The following CPSF6 variants were observed in gnomAD, a reference collection of about 807,000 sequenced individuals.
CPSF6 encodes cleavage and polyadenylation specific factor 6, also known as cleavage and polyadenylation specificity factor subunit 6.
Under a neutral mutation model 56.7 loss-of-function variants are expected in CPSF6, and 10 were observed. The observed-to-expected ratio is 0.18, with a 90% CI of 0.11 to 0.30. CPSF6 has a LOEUF of 0.30. Ranked by LOEUF, CPSF6 falls within the 10% of genes least tolerant of loss-of-function variation. The pLI is 1.00. For missense variants in CPSF6, 419 were observed against 722.9 expected, an observed-to-expected ratio of 0.58 and a Z score of 4.82; for synonymous variants, 248 against 244.8, an observed-to-expected ratio of 1.01 and a Z score of -0.12.
intron 8 of CPSF6, among the ~76,000 whole-genome samples, chr12:69,260,534 C>A (rs1371429340): frequency 6.6e-6 from 1 of 151,980 alleles, no homozygotes; most frequent in African/African-American, 2.4e-5. Context: ...AATGTTTGAC[C>A]ACCTCACTTT....
At chr12:69,259,600 A>C (rs317649) in intron 7 of CPSF6, 57 bp downstream of exon 7, 2 of 1,425,134 alleles carry the variant, frequency 1.4e-6, no homozygotes, top group Non-Finnish European at 1.9e-6. Context: ...ATGACCTAAA[A>C]ATGTAAGTAC....
At position 69,258,459 on chromosome 12, in the gene CPSF6, A is replaced by C; in HGVS notation, c.695-131A>C. The C allele has an allele frequency of 1.1e-6, 1 of 911,638 alleles. No homozygotes were observed. Among genetic ancestry groups the C allele is most frequent in the Non-Finnish European group, 1.6e-6 (1 of 625,354 alleles). The allele number at this position is 911,638 out of a possible 1,614,324, so 56.5% of individuals were successfully genotyped here. ...TGTAGTTGGTAGTGTAACATTTACC[A>C]TACGGGTTTAATTTAAAGACAAAGA... On this transcript the variant is annotated intron_variant, in intron 5 of 9. Transcript: ENST00000435070. The surrounding 1 kb of genome is among the most constrained non-coding windows in gnomAD (Gnocchi z 4.2).
chr12:69,260,346 T>C (rs374063392), intron 8 of CPSF6, 149 bp downstream of exon 8: 55 of 613,184 alleles, frequency 9.0e-5, no homozygotes, highest in African/African-American at 8.9e-4. Context: ...TAAATGTTAG[T>C]TGCTTGCTTA....
intron 9 of CPSF6, 84 bp downstream of exon 9, chr12:69,262,646 A>G: frequency 7.6e-7 from 1 of 1,315,042 alleles, no homozygotes; most frequent in Non-Finnish European, 9.9e-7. Context: ...TACAGTATAT[A>G]CCTACATTTT....
intron 8 of CPSF6, among the ~76,000 whole-genome samples, chr12:69,261,407 A>AT (rs1654039306): frequency 6.6e-6 from 1 of 151,560 alleles, no homozygotes; most frequent in African/African-American, 2.4e-5. Context: ...CTACAAAAAA[A>AT]TTTTAAAAAT....
rs575154254 is a variant in CPSF6, at chr12:69,252,568, T to C, written c.271-483T>C. Among the ~76,000 whole-genome samples, 168 of 152,290 alleles carry C rather than the reference T, an allele frequency of 1.1e-3. 2 individuals carry two copies. Among genetic ancestry groups the C allele is most frequent in the African/African-American group, 3.8e-3 (160 of 41,576 alleles). ...GCTCTTTAACTTCTATTGTATCATG[T>C]GTAAAATGGGTATAATAATAGTGCT... On this transcript the variant is annotated intron_variant, in intron 2 of 9. Transcript: ENST00000435070.
chr12:69,267,306 T>C (rs1164137529), intron 9 of CPSF6, among the ~76,000 whole-genome samples: 2 of 152,062 alleles, frequency 1.3e-5, no homozygotes, highest in East Asian at 3.8e-4. Context: ...AATGGCTTGA[T>C]ATAGTATCTT....
At position 69,269,524 on chromosome 12, in the gene CPSF6, G is replaced by C. The variant is rs1357363545; in HGVS notation, c.*16G>C. The C allele has an allele frequency of 2.2e-6, 1 of 454,434 alleles. No homozygotes were observed. The highest frequency in any genetic ancestry group is 4.4e-6 in the Non-Finnish European group (1 of 225,690). 28.2% of individuals were successfully genotyped at this position (454,434 alleles called of 1,614,324 possible). ...TGACACATTACAGCTGAAGGAAGAG[G>C]ATCACCTTCCAAGACAAAACAGTCT... On this transcript the variant is annotated 3_prime_UTR_variant, in exon 10 of 10. Transcript: ENST00000435070.
chr12:69,249,278 T>A (rs1238469672), intron 1 of CPSF6, among the ~76,000 whole-genome samples: 1 of 144,326 alleles, frequency 6.9e-6, no homozygotes, highest in Non-Finnish European at 1.5e-5. Context: ...CTCAAAAAAA[T>A]AAATAAATAA....
At position 69,258,555 on chromosome 12, in the gene CPSF6, T is replaced by TG. The variant is rs748440776; in HGVS notation, c.695-34dup. ...AAGTTAAAATATCTTATTAGTGAAG[T>TG]GTTTTTTTTTCTCTCTTTCTCCTTT... On this transcript the variant is annotated intron_variant, in intron 5 of 9. Coordinates refer to ENST00000435070, the MANE Select transcript of CPSF6 (RefSeq NM_007007.3). The surrounding 1 kb of genome is among the most constrained non-coding windows in gnomAD (Gnocchi z 4.2). 1.7e-5 allele frequency: 17 copies of TG among 994,996 alleles called. No homozygotes were observed. The highest frequency in any genetic ancestry group is 7.9e-5 in the East Asian group (3 of 38,180). 61.6% of individuals were successfully genotyped at this position (994,996 alleles called of 1,614,324 possible).
intron 1 of CPSF6, among the ~76,000 whole-genome samples, chr12:69,246,199 A>G (rs946582969): frequency 1.3e-5 from 2 of 152,242 alleles, no homozygotes; most frequent in African/African-American, 4.8e-5. Flanking sequence ...GTCAGTTTTT[A>G]TGTCATGAAT....
chr12:69,268,005 CTTT>C (rs1873074578), intron 9 of CPSF6, among the ~76,000 whole-genome samples: 2 of 151,716 alleles, frequency 1.3e-5, no homozygotes, highest in Admixed American at 1.3e-4. Flanking sequence ...CTCTTAATGA[CTTT>C]TTATCCCTTC....
In CPSF6 at chr12:69,248,865, C is replaced by T. The variant is rs58287089; in HGVS notation, c.61-2264C>T. Among the ~76,000 whole-genome samples, 674 of 152,130 alleles carry T rather than the reference C, an allele frequency of 4.4e-3. 7 individuals are homozygous for T. The highest frequency in any genetic ancestry group is 0.015 in the African/African-American group (633 of 41,482). The stretch of plus-strand genomic sequence containing the variant: ...TTGGATAAGTCATTAATTACATAAA[C>T]GATTACCTGATGATTACTTGAGGTC... On this transcript the variant is annotated intron_variant, in intron 1 of 9. Transcript: ENST00000435070.
At chr12:69,253,769 T>C (rs1215967196) in intron 3 of CPSF6, among the ~76,000 whole-genome samples, 2 of 152,214 alleles carry the variant, frequency 1.3e-5, no homozygotes, top group African/African-American at 4.8e-5. Flanking sequence ...TCCTCTCTAA[T>C]GTCTAATTCT....
intron 1 of CPSF6, among the ~76,000 whole-genome samples, chr12:69,240,044 G>A (rs1188277502): frequency 6.6e-6 from 1 of 151,376 alleles, no homozygotes; most frequent in Admixed American, 6.6e-5. Flanking sequence ...CGGGCGGTGG[G>A]GCCGCGTGTA....
chr12:69,249,231 A>G (rs1307809090), intron 1 of CPSF6, among the ~76,000 whole-genome samples: 6 of 135,566 alleles, frequency 4.4e-5, no homozygotes, highest in Admixed American at 2.6e-4. Flanking sequence ...AGATTGCGCC[A>G]CTGCACTCCA....
At position 69,274,262 on chromosome 12, in the gene CPSF6, C is replaced by T. The variant is rs759163487; in HGVS notation, c.*4754C>T. ...TTTCTTTAGCATTTAGGTGACTGTTCGGCAGTTTGATATATGGCCATTGTC... is the reference window on the plus strand; with the variant it reads ...TTTCTTTAGCATTTAGGTGACTGTTTGGCAGTTTGATATATGGCCATTGTC... On this transcript the variant is annotated 3_prime_UTR_variant, in exon 10 of 10. Transcript: ENST00000435070. The T allele has an allele frequency of 4.0e-4, 60 of 151,592 alleles. No homozygotes were observed. Among genetic ancestry groups the T allele is most frequent in the Admixed American group, 3.1e-3 (47 of 15,216 alleles). 9.4% of individuals were successfully genotyped at this position (151,592 alleles called of 1,614,324 possible).
chr12:69,269,809 G>GA lies in CPSF6; in HGVS notation c.*308dup, dbSNP rs555136158. On this transcript the variant is annotated 3_prime_UTR_variant, in exon 10 of 10. Transcript: ENST00000435070. Reference sequence around the variant, plus strand: ...GGCCATTATGATGTGCAAGCAATTGGAAAAAAAGTCAAGTAAATGCTTGTT... The same window carrying GA: ...GGCCATTATGATGTGCAAGCAATTGGAAAAAAAAGTCAAGTAAATGCTTGTT... 1.8e-4 allele frequency: 32 copies of GA among 179,178 alleles called. No individual in the cohort carries two copies. In the East Asian group the frequency reaches 5.6e-3, roughly 31 times the overall value. The allele number at this position is 179,178 out of a possible 1,614,324, so 11.1% of individuals were successfully genotyped here. A position where few individuals can be genotyped will look rare whatever the true frequency, so the allele number is the denominator to read the frequency against.
At position 69,259,883 on chromosome 12, in the gene CPSF6, C is replaced by T. The variant is rs1251871728; in HGVS notation, c.1316-161C>T. 1.2e-5 allele frequency: 3 copies of T among 250,494 alleles called. No homozygotes were observed. The Admixed American group carries it at 1.9e-4, about 16-fold the overall frequency. 15.5% of individuals were successfully genotyped at this position (250,494 alleles called of 1,614,324 possible). On this transcript the variant is annotated intron_variant, in intron 7 of 9. Coordinates refer to ENST00000435070, the MANE Select transcript of CPSF6 (RefSeq NM_007007.3). The stretch of plus-strand genomic sequence containing the variant: ...GAGTCAATATCATGAGCATGAAAGG[C>T]TTTTGCAAATGGTGAAACACTGAAA...
Sources: allele counts gnomAD v4.1 joint callset (sites outside exome capture counted in the v4.1 genomes callset), GRCh38; gene constraint gnomAD v4.1.1; non-coding constraint Gnocchi (gnomAD v3.1); transcripts MANE v1.5; gene names NCBI Gene and HGNC (gene_info 2026-07-23, HGNC 2026-07-21).